ARHGAP39: variants seen among roughly 807,000 people sequenced by gnomAD.
ARHGAP39 encodes the protein Rho GTPase activating protein 39.
A neutral mutation model predicts 106.9 loss-of-function variants in ARHGAP39; 44 were observed. That is an observed-to-expected ratio of 0.41 (90% CI 0.32 to 0.53). The LOEUF (loss-of-function observed/expected upper bound fraction) is 0.53. Among genes scored for constraint, ARHGAP39 ranks in the 20% least tolerant of loss-of-function variants. The pLI, the probability that ARHGAP39 is intolerant of heterozygous loss-of-function variation, is 0.21. For missense variants in ARHGAP39, 1,496 were observed against 1,577.3 expected (o/e 0.95, Z 0.87); for synonymous variants, 768 against 693.2 (o/e 1.11, Z -1.69).
chr8:144,654,017 C>G (rs573316661), intron 1 of ARHGAP39, among the ~76,000 whole-genome samples: 1 of 152,140 alleles, frequency 6.6e-6, no homozygotes, highest in African/African-American at 2.4e-5. Flanking sequence ...CTGCCGGACA[C>G]GAGCACTGAA....
At chr8:144,538,932 A>C (rs1817074418) in intron 6 of ARHGAP39, among the ~76,000 whole-genome samples, 2 of 151,668 alleles carry the variant, frequency 1.3e-5, no homozygotes, top group South Asian at 4.2e-4. Flanking sequence ...TTGTTGCTCA[A>C]CTTGCTCCAG....
chr8:144,576,416 C>T (rs968433380), intron 3 of ARHGAP39, among the ~76,000 whole-genome samples: 10 of 150,972 alleles, frequency 6.6e-5, no homozygotes, highest in Non-Finnish European at 1.0e-4. Context: ...AATAGCCCCA[C>T]ATCACCCCAG....
At chr8:144,623,260 A>C (rs967638038) in intron 1 of ARHGAP39, among the ~76,000 whole-genome samples, 1 of 152,260 alleles carries the variant, frequency 6.6e-6, no homozygotes, top group Non-Finnish European at 1.5e-5. Flanking sequence ...ATCCAAAAGA[A>C]GTCAAGAAAC....
rs1483783241 is a variant in ARHGAP39, at chr8:144,555,589, G to A, written c.567C>T (p.Tyr189=). The change falls in exon 4 of 12, where the codon TAC becomes TAT. Residue 189 remains tyrosine (Y), a synonymous_variant. Coordinates refer to ENST00000377307, the MANE Select transcript of ARHGAP39 (RefSeq NM_025251.3). ...LEKDYEIYRD[Y]SADGQLLHYR... is the part of the protein sequence containing the mutation. ...AGTGAAGAAGCTGGCCGTCCGCACT[G>A]TAATCCCGGTAAATCTCATAGTCCT... The A allele has an allele frequency of 5.6e-6, 9 of 1,613,934 alleles. No homozygotes were observed. Among genetic ancestry groups the A allele is most frequent in the Middle Eastern group, 1.6e-4 (1 of 6,084 alleles).
At chr8:144,572,596 AC>A (rs1818624470) in intron 3 of ARHGAP39, among the ~76,000 whole-genome samples, 1 of 152,194 alleles carries the variant, frequency 6.6e-6, no homozygotes, top group South Asian at 2.1e-4. Context: ...AACACCAAAA[AC>A]AATGGCAACA....
intron 6 of ARHGAP39, among the ~76,000 whole-genome samples, chr8:144,538,650 G>A (rs887499963): frequency 1.7e-4 from 26 of 152,068 alleles, no homozygotes; most frequent in Admixed American, 1.2e-3. Context: ...TCCACCCACC[G>A]CAGCCTCCAC....
chr8:144,672,361 C>CT (rs1442814246), intron 1 of ARHGAP39, among the ~76,000 whole-genome samples: 1 of 152,190 alleles, frequency 6.6e-6, no homozygotes, highest in African/African-American at 2.4e-5. Context: ...TATCTCAAGG[C>CT]TAACAGTAAA....
chr8:144,620,477 G>A (rs1015901185), intron 1 of ARHGAP39, among the ~76,000 whole-genome samples: 3 of 142,062 alleles, frequency 2.1e-5, no homozygotes, highest in Non-Finnish European at 4.5e-5. Flanking sequence ...GTGTGTGCCC[G>A]TGTCTGTTAG....
In ARHGAP39 at chr8:144,671,772, T is replaced by C. The variant is rs1434827320; in HGVS notation, c.-82+13914A>G. Among the ~76,000 whole-genome samples, 1 of 152,170 alleles carries C rather than the reference T, an allele frequency of 6.6e-6. No homozygotes were observed. The highest frequency in any genetic ancestry group is 1.5e-5 in the Non-Finnish European group (1 of 68,024). ...GCCACCTCTGCTGTCCACAGGATGT[T>C]AGCACAACTCACTCCCGTGTCCCCC... On this transcript the variant is annotated intron_variant, in intron 1 of 11. Transcript: ENST00000377307. The surrounding 1 kb of genome is among the most constrained non-coding windows in gnomAD (Gnocchi z 4.5).
chr8:144,540,984 TGG>T (rs770687048), intron 6 of ARHGAP39, among the ~76,000 whole-genome samples: 242 of 152,312 alleles, frequency 1.6e-3, no homozygotes, highest in South Asian at 3.1e-3. Flanking sequence ...CCTGAGTGCC[TGG>T]GATTACAGGC....
chr8:144,619,367 TG>T, intron 1 of ARHGAP39, among the ~76,000 whole-genome samples: 1 of 152,312 alleles, frequency 6.6e-6, no homozygotes, highest in Middle Eastern at 3.4e-3. Context: ...CATGTGGGCC[TG>T]TGTGTCCCAG....
intron 2 of ARHGAP39, among the ~76,000 whole-genome samples, chr8:144,601,308 C>G (rs1819920174): frequency 8.2e-6 from 1 of 121,916 alleles, no homozygotes; most frequent in African/African-American, 3.2e-5. Context: ...GCTCATGTAC[C>G]TGTGTGTGTG....
Position 144,673,489 on chromosome 8 carries a change from C to T in ARHGAP39, c.-82+12197G>A, listed in dbSNP as rs560307708. Among the ~76,000 whole-genome samples the T allele has an allele frequency of 5.9e-5, 9 of 152,344 alleles. No homozygotes were observed. In the South Asian group the frequency reaches 1.2e-3, roughly 21 times the overall value. The stretch of plus-strand genomic sequence containing the variant: ...AGATATGTGCAACCTTCACCACAGT[C>T]AATTTTAGAATATTTTCATTATGCT... On this transcript the variant is annotated intron_variant, in intron 1 of 11. Transcript: ENST00000377307.
chr8:144,624,507 T>C (rs1041809638), intron 1 of ARHGAP39, among the ~76,000 whole-genome samples: 1 of 152,142 alleles, frequency 6.6e-6, no homozygotes, highest in Non-Finnish European at 1.5e-5. Flanking sequence ...AACCCGCACA[T>C]CTGCACCGAC....
intron 4 of ARHGAP39, among the ~76,000 whole-genome samples, chr8:144,551,000 TAAGG>T: frequency 1.3e-5 from 2 of 152,332 alleles, no homozygotes; most frequent in South Asian, 4.1e-4. Flanking sequence ...GTGCATGTAG[TAAGG>T]CCCTGAGTTC....
intron 2 of ARHGAP39, among the ~76,000 whole-genome samples, chr8:144,593,786 T>C (rs1308993673): frequency 6.6e-6 from 1 of 151,830 alleles, no homozygotes; most frequent in Non-Finnish European, 1.5e-5. Flanking sequence ...TGAGATCCTG[T>C]CTCGAAAAGA....
intron 1 of ARHGAP39, among the ~76,000 whole-genome samples, chr8:144,652,496 T>C (rs911378843): frequency 6.6e-6 from 1 of 151,934 alleles, no homozygotes; most frequent in Non-Finnish European, 1.5e-5. Flanking sequence ...ATAGCAAAGA[T>C]ATGGAATCAA....
At chr8:144,639,767 C>G (rs1821264653) in intron 1 of ARHGAP39, among the ~76,000 whole-genome samples, 1 of 152,104 alleles carries the variant, frequency 6.6e-6, no homozygotes, top group Non-Finnish European at 1.5e-5. Context: ...CTGACACAAA[C>G]AGGCCTCTCA....
chr8:144,623,444 G>C (rs149520791), intron 1 of ARHGAP39, among the ~76,000 whole-genome samples: 13 of 152,284 alleles, frequency 8.5e-5, no homozygotes, highest in Admixed American at 3.9e-4. Context: ...AAAGTATAAG[G>C]GCAGGAAATT....
Sources: gnomAD v4.1 joint callset for allele counts (sites outside exome capture counted in the v4.1 genomes callset) on GRCh38, gnomAD v4.1.1 for gene constraint, Gnocchi (gnomAD v3.1) non-coding constraint, MANE v1.5 for transcripts, NCBI Gene and HGNC (gene_info 2026-07-23, HGNC 2026-07-21) for gene names.